The following TXNDC12 variants were observed in gnomAD, a reference collection of about 807,000 sequenced individuals.
TXNDC12 encodes thioredoxin domain-containing protein 12.
In TXNDC12, 22 loss-of-function variants were observed where a neutral mutation model predicts 24.2. The observed-to-expected ratio is 0.91, with a 90% CI of 0.65 to 1.30. TXNDC12 has a LOEUF of 1.30. Ranked by LOEUF, TXNDC12 falls within the 50% of genes most tolerant of loss-of-function variation. The pLI, the probability that TXNDC12 is intolerant of heterozygous loss-of-function variation, is 0.00. For synonymous variants in TXNDC12, 58 were observed against 73.4 expected, an observed-to-expected ratio of 0.79 and a Z score of 1.07; for missense variants, 184 against 205.8, an observed-to-expected ratio of 0.89 and a Z score of 0.65.
chr1:52,022,387 C>A (rs1056673921), intron 6 of TXNDC12, among the ~76,000 whole-genome samples: 1 of 152,180 alleles, frequency 6.6e-6, no homozygotes, highest in East Asian at 1.9e-4. Context: ...CGATTGCAAA[C>A]TTCCTTCACT....
rs35120342 is a variant in TXNDC12 at position 52,031,405 on chromosome 1, G to A, written c.159-2775C>T. Among the ~76,000 whole-genome samples, 1,169 of 151,986 alleles carry A rather than the reference G, an allele frequency of 7.7e-3. 13 individuals carry two copies. The highest frequency in any genetic ancestry group is 0.023 in the Admixed American group (352 of 15,260). On this transcript the variant is annotated intron_variant, in intron 2 of 6. Transcript: ENST00000371626. ...GAACACCTGACCTTGTGATCCACCC[G>A]CCTTGGGCTCCTGAAGTGCTGGGGT...
At chr1:52,031,429 G>A (rs984332466) in intron 2 of TXNDC12, among the ~76,000 whole-genome samples, 10 of 151,792 alleles carry the variant, frequency 6.6e-5, no homozygotes, top group Non-Finnish European at 8.8e-5. Flanking sequence ...AAGTGCTGGG[G>A]TTACAGGCAT....
intron 2 of TXNDC12, among the ~76,000 whole-genome samples, chr1:52,040,143 G>A (rs1426108828): frequency 6.6e-6 from 1 of 152,022 alleles, no homozygotes. Flanking sequence ...ATGTTGGCCA[G>A]GGTGGTCTTG....
intron 6 of TXNDC12, among the ~76,000 whole-genome samples, chr1:52,021,448 G>A (rs1685595378): frequency 6.6e-6 from 1 of 151,758 alleles, no homozygotes; most frequent in African/African-American, 2.4e-5. Context: ...TACTTCCTGT[G>A]GAGGTTACAG....
At chr1:52,028,472 TTAAAC>T in intron 3 of TXNDC12, 101 bp downstream of exon 3, 1 of 859,192 alleles carries the variant, frequency 1.2e-6, no homozygotes, top group Non-Finnish European at 1.9e-6. Context: ...TTAGTATTCC[TTAAAC>T]AGTCAGTAGT....
intron 1 of TXNDC12, among the ~76,000 whole-genome samples, chr1:52,048,978 C>T (rs1008552911): frequency 6.6e-6 from 1 of 152,298 alleles, no homozygotes; most frequent in East Asian, 1.9e-4. Flanking sequence ...TAGAACAGCA[C>T]TGTAAAGTAG....
At position 52,024,526 on chromosome 1, in the gene TXNDC12, T is replaced by A; in HGVS notation, c.339A>T (p.Pro113=). The A allele has an allele frequency of 6.2e-7, 1 of 1,613,050 alleles. No individual in the cohort carries two copies. The highest frequency in any genetic ancestry group is 8.5e-7 in the Non-Finnish European group (1 of 1,179,252). ...EDFSPDGGYI[P]RILFLDPSGK... Reference sequence around the variant, plus strand: ...GTGCCTTACCCAGAAAAAGGATTCGTGGAATATAACCCCCGTCAGGGCTGA... The same window carrying A: ...GTGCCTTACCCAGAAAAAGGATTCGAGGAATATAACCCCCGTCAGGGCTGA... Residue 113 remains proline (P), a synonymous_variant, in exon 5 of 7, where the codon CCA becomes CCT. Transcript: ENST00000371626.
intron 2 of TXNDC12, chr1:52,034,056 G>T: frequency 7.5e-7 from 1 of 1,335,948 alleles, no homozygotes; most frequent in Non-Finnish European, 9.5e-7. Flanking sequence ...TAAGGCCTAA[G>T]GGGCATTAAA....
chr1:52,033,429 G>T, intron 2 of TXNDC12: 1 of 1,611,540 alleles, frequency 6.2e-7, no homozygotes, highest in South Asian at 1.1e-5. Flanking sequence ...CGATCGGGCC[G>T]CCGGGCCGTA....
intron 1 of TXNDC12, chr1:52,051,085 T>A (rs1686191000): frequency 5.9e-6 from 1 of 169,032 alleles, no homozygotes; most frequent in Admixed American, 6.5e-5. Context: ...ACATTGTCCA[T>A]CTCATAGGGT....
At chr1:52,039,613 G>C (rs34422270) in intron 2 of TXNDC12, among the ~76,000 whole-genome samples, 2 of 152,174 alleles carry the variant, frequency 1.3e-5, no homozygotes, top group Admixed American at 6.5e-5. Context: ...TTACAGGTGT[G>C]AGCCACCGCG....
intron 1 of TXNDC12, among the ~76,000 whole-genome samples, chr1:52,049,500 C>T (rs1338358463): frequency 2.6e-5 from 4 of 152,116 alleles, no homozygotes; most frequent in Non-Finnish European, 4.4e-5. Flanking sequence ...GCAAGAGAAT[C>T]GCTTGAACCC....
Position 52,020,288 on chromosome 1 carries a change from C to T in TXNDC12, c.*645G>A. 2.7e-6 allele frequency: 1 copy of T among 374,406 alleles called. No individual in the cohort carries two copies. The highest frequency in any genetic ancestry group is 5.3e-6 in the Non-Finnish European group (1 of 190,132). 23.2% of individuals were successfully genotyped at this position (374,406 alleles called of 1,614,324 possible). The stretch of plus-strand genomic sequence containing the variant: ...AACAGTAACAAGGGAAAGCATGCTT[C>T]CACCTGGAGCCGAGTCCAAGCACAC... On this transcript the variant is annotated 3_prime_UTR_variant, in exon 7 of 7. Coordinates refer to ENST00000371626, the MANE Select transcript of TXNDC12 (RefSeq NM_015913.4).
chr1:52,033,946 T>C (rs1572003571), intron 2 of TXNDC12: 10 of 1,428,162 alleles, frequency 7.0e-6, no homozygotes, highest in South Asian at 1.5e-5. Context: ...AGAAAGGAGA[T>C]ACAGAGACTA....
Position 52,020,630 on chromosome 1 carries a change from G to T in TXNDC12, c.*303C>A. 2.7e-6 allele frequency: 1 copy of T among 369,342 alleles called. No individual in the cohort carries two copies. The highest frequency in any genetic ancestry group is 7.4e-4 in the Middle Eastern group (1 of 1,352). 22.9% of individuals were successfully genotyped at this position (369,342 alleles called of 1,614,324 possible). A position where few individuals can be genotyped will look rare whatever the true frequency, so the allele number is the denominator to read the frequency against. ...AAAGACTCAAATACTTAAGTGCGAGGAGTAAACATCCAAGTGGCTCAAGTT... is the reference window on the plus strand; with the variant it reads ...AAAGACTCAAATACTTAAGTGCGAGTAGTAAACATCCAAGTGGCTCAAGTT... On this transcript the variant is annotated 3_prime_UTR_variant, in exon 7 of 7. Coordinates refer to ENST00000371626, the MANE Select transcript of TXNDC12 (RefSeq NM_015913.4).
At chr1:52,022,580 T>C (rs1459612830) in intron 6 of TXNDC12, among the ~76,000 whole-genome samples, 1 of 151,744 alleles carries the variant, frequency 6.6e-6, no homozygotes, top group Non-Finnish European at 1.5e-5. Flanking sequence ...CTCATATCTG[T>C]CCAGAGATGA....
intron 2 of TXNDC12, among the ~76,000 whole-genome samples, chr1:52,039,575 C>T (rs971071987): frequency 4.6e-5 from 7 of 152,228 alleles, no homozygotes; most frequent in African/African-American, 1.7e-4. Context: ...AAGTGATCCA[C>T]CCACCTCGGC....
chr1:52,041,531 T>C lies in TXNDC12; in HGVS notation c.158+6A>G. The C allele has an allele frequency of 6.2e-7, 1 of 1,608,054 alleles. No homozygotes were observed. Among genetic ancestry groups the C allele is most frequent in the South Asian group, 1.1e-5 (1 of 90,716 alleles). ...ACCATAAATGACCTAAAACCATGTC[T>C]TGTACCTGGCAGCTGCTTCTTTCTT... On this transcript the variant is annotated splice_donor_region_variant and intron_variant, in intron 2 of 6. Coordinates refer to ENST00000371626, the MANE Select transcript of TXNDC12 (RefSeq NM_015913.4).
At chr1:52,046,111 G>A (rs2783182) in intron 1 of TXNDC12, among the ~76,000 whole-genome samples, 5,541 of 152,040 alleles carry the variant, frequency 0.036, 129 homozygotes, top group African/African-American at 0.043. Context: ...TACTTGGGAG[G>A]CAGGGGCAGG....
Sources: gnomAD v4.1 joint callset for allele counts (sites outside exome capture counted in the v4.1 genomes callset) on GRCh38, gnomAD v4.1.1 for gene constraint, MANE v1.5 for transcripts, NCBI Gene and HGNC (gene_info 2026-07-23, HGNC 2026-07-21) for gene names.